Variants in TAFA2 observed in about 807,000 individuals in gnomAD.
The protein encoded by TAFA2 is chemokine-like protein TAFA-2.
A neutral mutation model predicts 18.8 loss-of-function variants in TAFA2; 7 were observed. The observed-to-expected ratio is 0.37, with a 90% CI of 0.21 to 0.70. TAFA2 has a LOEUF of 0.70. Ranked by LOEUF, TAFA2 falls within the 30% of genes least tolerant of loss-of-function variation. TAFA2 has a pLI of 0.53. For synonymous variants in TAFA2, 60 were observed against 54.2 expected, an observed-to-expected ratio of 1.11 and a Z score of -0.47; for missense variants, 122 against 158.1, an observed-to-expected ratio of 0.77 and a Z score of 1.23.
At chr12:62,137,092 T>A (rs1221716952) in intron 1 of TAFA2, among the ~76,000 whole-genome samples, 2 of 152,154 alleles carry the variant, frequency 1.3e-5, no homozygotes, top group Non-Finnish European at 2.9e-5. Flanking sequence ...TAGGAATTTG[T>A]CTTCAATACA....
At chr12:62,193,231 T>C (rs1052557361), upstream of TAFA2, among the ~76,000 whole-genome samples, 1 of 152,120 alleles carries the variant, frequency 6.6e-6, no homozygotes, top group Non-Finnish European at 1.5e-5. Context: ...TTAGTAAGAA[T>C]GAATTCAGAA....
chr12:61,718,932 T>C (rs1869776292), intron 4 of TAFA2, among the ~76,000 whole-genome samples: 1 of 152,198 alleles, frequency 6.6e-6, no homozygotes, highest in Admixed American at 6.6e-5. Flanking sequence ...GATATGAAAC[T>C]TGGAAGAAAT....
At chr12:62,178,810 G>C (rs1053523857) in intron 1 of TAFA2, among the ~76,000 whole-genome samples, 1 of 152,174 alleles carries the variant, frequency 6.6e-6, no homozygotes, top group Admixed American at 6.5e-5. Flanking sequence ...GTAATCCAGA[G>C]ACAGAGATTG....
At chr12:61,850,921 GA>G (rs1417509072) in intron 2 of TAFA2, among the ~76,000 whole-genome samples, 1 of 151,988 alleles carries the variant, frequency 6.6e-6, no homozygotes, top group East Asian at 1.9e-4. Flanking sequence ...ACTTAAAATA[GA>G]AAAAACAAAG....
intron 1 of TAFA2, among the ~76,000 whole-genome samples, chr12:62,030,011 G>A (rs1280437958): frequency 6.6e-6 from 1 of 152,044 alleles, no homozygotes; most frequent in South Asian, 2.1e-4. Flanking sequence ...GTCTCATCTG[G>A]CTCCTCATGT....
At position 62,071,304 on chromosome 12, in the gene TAFA2, G is replaced by A. The variant is rs141090621; in HGVS notation, c.-2+119955C>T. Among the ~76,000 whole-genome samples, 199 of 152,306 alleles carry A rather than the reference G, an allele frequency of 1.3e-3. 4 individuals are homozygous for A. In the East Asian group the frequency reaches 0.023, roughly 18 times the overall value. ...CCGGGAAGGTCAGCATGTGGCTAGA[G>A]CACAGGAAGCGGGGGTGAGAAAAGG... On this transcript the variant is annotated intron_variant, in intron 1 of 4. Transcript: ENST00000416284.
intron 4 of TAFA2, among the ~76,000 whole-genome samples, chr12:61,713,436 A>G (rs1206629596): frequency 1.3e-5 from 2 of 152,146 alleles, no homozygotes; most frequent in African/African-American, 4.8e-5. Flanking sequence ...TTTTCTTTGA[A>G]CAATACTAAC....
At chr12:61,945,928 A>G (rs1017974560) in intron 1 of TAFA2, among the ~76,000 whole-genome samples, 2 of 149,534 alleles carry the variant, frequency 1.3e-5, no homozygotes, top group Non-Finnish European at 3.0e-5. Flanking sequence ...ACTACCAATG[A>G]CTTTCTTCAC....
chr12:61,882,335 G>C (rs1875184212), intron 1 of TAFA2, among the ~76,000 whole-genome samples: 1 of 152,148 alleles, frequency 6.6e-6, no homozygotes, highest in African/African-American at 2.4e-5. Context: ...GGCGTCGGGA[G>C]AAAAACACTG....
rs1264046457 is a variant in TAFA2 at position 61,709,092 on chromosome 12, T to C, written c.*1314A>G. 4 of 152,510 alleles carry C rather than the reference T, an allele frequency of 2.6e-5. No individual in the cohort carries two copies. The highest frequency in any genetic ancestry group is 9.6e-5 in the African/African-American group (4 of 41,452). 9.4% of individuals were successfully genotyped at this position (152,510 alleles called of 1,614,324 possible). ...ATATTGTTACAGAATGGCTATGCAC[T>C]TTTCTTTCTTCTCTCCCTTCATATC... is the stretch of plus-strand genomic sequence containing the variant. On this transcript the variant is annotated 3_prime_UTR_variant, in exon 5 of 5. Transcript: ENST00000416284.
At chr12:62,121,034 A>G (rs1456286337) in intron 1 of TAFA2, among the ~76,000 whole-genome samples, 1 of 151,834 alleles carries the variant, frequency 6.6e-6, no homozygotes, top group Admixed American at 6.6e-5. Flanking sequence ...TTGTATTTTT[A>G]GTAGAGACGG....
intron 4 of TAFA2, among the ~76,000 whole-genome samples, chr12:61,729,697 T>C (rs564661646): frequency 1.3e-5 from 2 of 152,292 alleles, no homozygotes; most frequent in Admixed American, 6.5e-5. Context: ...AGCTTAATAA[T>C]TGACCTTCTG....
At chr12:62,078,652 C>T (rs950255374) in intron 1 of TAFA2, among the ~76,000 whole-genome samples, 2 of 152,180 alleles carry the variant, frequency 1.3e-5, no homozygotes. Context: ...CTCCTTTTCT[C>T]GCTTCAGCTT....
At chr12:61,889,009 T>C (rs943840570) in intron 1 of TAFA2, among the ~76,000 whole-genome samples, 2 of 152,186 alleles carry the variant, frequency 1.3e-5, no homozygotes, top group Non-Finnish European at 2.9e-5. Context: ...CCAGCAGCAA[T>C]GGGCTGGCCT....
At chr12:61,843,160 A>ATT (rs1873258729) in intron 2 of TAFA2, among the ~76,000 whole-genome samples, 2 of 152,086 alleles carry the variant, frequency 1.3e-5, no homozygotes, top group Admixed American at 1.3e-4. Flanking sequence ...CTAAAAGCAT[A>ATT]TGGGGAAAAA....
intron 1 of TAFA2, among the ~76,000 whole-genome samples, chr12:61,921,666 C>T (rs1179204294): frequency 6.6e-6 from 1 of 151,752 alleles, no homozygotes; most frequent in Non-Finnish European, 1.5e-5. Context: ...TAGAATTGTT[C>T]AATAAAGTAA....
At chr12:62,180,371 C>A (rs2062544205) in intron 1 of TAFA2, among the ~76,000 whole-genome samples, 1 of 152,128 alleles carries the variant, frequency 6.6e-6, no homozygotes, top group Non-Finnish European at 1.5e-5. Context: ...TAAAGCCTTT[C>A]TTGAGAATCA....
chr12:62,216,244 T>C (rs1014196906), intron 1 of TAFA2, among the ~76,000 whole-genome samples: 2 of 152,138 alleles, frequency 1.3e-5, no homozygotes, highest in Non-Finnish European at 2.9e-5. Flanking sequence ...TGAATAACAA[T>C]AGTGGACATG....
chr12:62,090,623 G>C (rs891674442), intron 1 of TAFA2, among the ~76,000 whole-genome samples: 19 of 151,976 alleles, frequency 1.3e-4, no homozygotes, highest in Admixed American at 4.6e-4. Flanking sequence ...GAGCCTCAAG[G>C]TCAACTGAAG....
Sources: allele counts gnomAD v4.1 joint callset (sites outside exome capture counted in the v4.1 genomes callset), GRCh38; gene constraint gnomAD v4.1.1; transcripts MANE v1.5; gene names NCBI Gene and HGNC (gene_info 2026-07-23, HGNC 2026-07-21).